The following MROH1 variants were observed in gnomAD, a reference collection of about 807,000 sequenced individuals.
MROH1 encodes maestro heat-like repeat-containing protein family member 1.
Under a neutral mutation model 116.5 loss-of-function variants are expected in MROH1, and 117 were observed. The observed-to-expected ratio is 1.00, with a 90% CI of 0.86 to 1.17. The LOEUF (loss-of-function observed/expected upper bound fraction) is 1.17. Ranked by LOEUF, MROH1 falls within the 50% of genes most tolerant of loss-of-function variation. The pLI is 0.00. For missense variants in MROH1, 1,873 were observed against 1,338.5 expected (o/e 1.40, Z -6.23); for synonymous variants, 921 against 583.9 (o/e 1.58, Z -8.32).
At chr8:144,156,473 G>A (rs981137397) in intron 1 of MROH1, among the ~76,000 whole-genome samples, 100 of 152,010 alleles carry the variant, frequency 6.6e-4, no homozygotes, top group African/African-American at 2.1e-3. Context: ...TTGGGAGGCC[G>A]AGGCCGGCGG....
intron 12 of MROH1, among the ~76,000 whole-genome samples, chr8:144,218,306 T>C (rs1017589404): frequency 6.6e-6 from 1 of 151,974 alleles, no homozygotes; most frequent in African/African-American, 2.4e-5. Flanking sequence ...TTTTCCAAAG[T>C]CCCCATGCCA....
At chr8:144,148,369 C>G (rs1330279530) in intron 1 of MROH1, among the ~76,000 whole-genome samples, 1 of 152,130 alleles carries the variant, frequency 6.6e-6, no homozygotes, top group African/African-American at 2.4e-5. Context: ...CTTCGGGGAG[C>G]TTGGTGGTCC....
rs1564508079 is a variant in MROH1, at chr8:144,220,646, G to T, written c.1188G>T (p.Arg396Ser). The stretch of plus-strand genomic sequence containing the variant: ...AGCCCTTTATCCTGTCTTCCATGAG[G>T]CTTCCTCTCCTGGACACCAACAGCA... Reference protein sequence around the residue: ...DKKPFILSSMRLPLLDTNSKV... With the variant: ...DKKPFILSSMSLPLLDTNSKV... Residue 396 changes from arginine (R) to serine (S), a missense_variant, in exon 13 of 44, where the codon AGG becomes AGT. Coordinates refer to ENST00000326134, the MANE Select transcript of MROH1 (RefSeq NM_032450.3). 1.9e-6 allele frequency: 3 copies of T among 1,578,330 alleles called. No individual in the cohort carries two copies. The highest frequency in any genetic ancestry group is 1.7e-6 in the Non-Finnish European group (2 of 1,162,294).
intron 1 of MROH1, among the ~76,000 whole-genome samples, chr8:144,149,390 G>C (rs1381618443): frequency 6.6e-6 from 1 of 152,148 alleles, no homozygotes; most frequent in Non-Finnish European, 1.5e-5. Flanking sequence ...GGCTTGTGGA[G>C]ACCTGCACCT....
At chr8:144,166,935 T>C (rs752403364) in intron 3 of MROH1, among the ~76,000 whole-genome samples, 170 of 152,334 alleles carry the variant, frequency 1.1e-3, no homozygotes, top group Non-Finnish European at 2.0e-3. Flanking sequence ...TCTCATTGAT[T>C]TGGATCAGCC....
intron 10 of MROH1, among the ~76,000 whole-genome samples, chr8:144,195,803 A>G (rs1017912883): frequency 3.3e-5 from 5 of 152,014 alleles, no homozygotes; most frequent in Non-Finnish European, 5.9e-5. Context: ...CCCAGGCTCA[A>G]GCGATCCTCC....
At chr8:144,238,686 G>A (rs1386043248) in intron 14 of MROH1, 70 bp from the exon 15 acceptor site, 6 of 747,424 alleles carry the variant, frequency 8.0e-6, no homozygotes, top group Admixed American at 1.8e-5. Flanking sequence ...CCCCGCTTCC[G>A]GGCAGGCTGT....
chr8:144,243,440 G>A lies in MROH1; in HGVS notation c.2353-54G>A, dbSNP rs1841360991. 35 of 773,650 alleles carry A rather than the reference G, an allele frequency of 4.5e-5. No individual in the cohort carries two copies. The South Asian group carries it at 4.6e-4, about 10-fold the overall frequency. The allele number at this position is 773,650 out of a possible 1,614,324, so 47.9% of individuals were successfully genotyped here. ...AGGAAAGAAAAGGGGGTATGCGCGG[G>A]TTCAGCCCTGGAGGGCGGGCGTGGG... On this transcript the variant is annotated intron_variant, in intron 24 of 43. Transcript: ENST00000326134.
chr8:144,181,243 GC>G (rs765135645), intron 7 of MROH1, among the ~76,000 whole-genome samples: 31 of 133,652 alleles, frequency 2.3e-4, no homozygotes, highest in South Asian at 5.0e-4. Context: ...GGGGCCGGGG[GC>G]CGTTAGTTCC....
At chr8:144,156,436 G>A (rs955643276) in intron 1 of MROH1, among the ~76,000 whole-genome samples, 1,699 of 151,976 alleles carry the variant, frequency 0.011, 24 homozygotes, top group African/African-American at 0.035. Flanking sequence ...GCTGGGCACG[G>A]TGGCTCACAC....
At chr8:144,176,762 G>A (rs1054292066) in intron 4 of MROH1, among the ~76,000 whole-genome samples, 1 of 151,640 alleles carries the variant, frequency 6.6e-6, no homozygotes, top group Admixed American at 6.6e-5. Flanking sequence ...TCGGAAGGCG[G>A]AGGTTGCAGT....
At chr8:144,175,185 G>T (rs908357897) in intron 4 of MROH1, 1 of 983,296 alleles carries the variant, frequency 1.0e-6, no homozygotes, top group African/African-American at 1.7e-5. Flanking sequence ...CCCAGCAGCG[G>T]ATCTGGTCGA....
intron 33 of MROH1, among the ~76,000 whole-genome samples, chr8:144,253,161 AAAG>A (rs1245691661): frequency 6.6e-6 from 1 of 152,046 alleles, no homozygotes; most frequent in Non-Finnish European, 1.5e-5. Context: ...CTCAAAAAAA[AAAG>A]AAGTGGAGTC....
At chr8:144,212,866 C>A in intron 12 of MROH1, 1 of 599,944 alleles carries the variant, frequency 1.7e-6, no homozygotes. Context: ...GTTGGGATTA[C>A]AGGCATGAGC....
intron 1 of MROH1, among the ~76,000 whole-genome samples, chr8:144,156,884 G>C (rs1818279005): frequency 6.8e-6 from 1 of 147,422 alleles, no homozygotes; most frequent in East Asian, 2.1e-4. Flanking sequence ...CTGGGTTCAA[G>C]CAATTCTCTT....
chr8:144,188,190 C>A (rs1008602113), intron 7 of MROH1, among the ~76,000 whole-genome samples: 5 of 152,306 alleles, frequency 3.3e-5, no homozygotes, highest in Admixed American at 2.6e-4. Flanking sequence ...GGAATTTGTT[C>A]ATCAGAAGAT....
intron 10 of MROH1, among the ~76,000 whole-genome samples, chr8:144,196,955 G>A (rs1239075078): frequency 1.0e-5 from 1 of 97,428 alleles, no homozygotes; most frequent in Non-Finnish European, 2.0e-5. Flanking sequence ...TTAGCCAGGC[G>A]TGGTGGCACA....
At chr8:144,243,385 G>A in intron 24 of MROH1, 109 bp from the exon 25 acceptor site, 6 of 718,870 alleles carry the variant, frequency 8.3e-6, no homozygotes. Flanking sequence ...GAGCTCCTTT[G>A]AGAGCAGAGT....
intron 14 of MROH1, among the ~76,000 whole-genome samples, chr8:144,229,612 A>C (rs954432323): frequency 6.6e-5 from 10 of 152,158 alleles, no homozygotes; most frequent in Middle Eastern, 3.4e-3. Context: ...GTTGGTCTTA[A>C]ACTCCTGAGC....
Sources: allele counts gnomAD v4.1 joint callset (sites outside exome capture counted in the v4.1 genomes callset), GRCh38; gene constraint gnomAD v4.1.1; transcripts MANE v1.5; gene names NCBI Gene and HGNC (gene_info 2026-07-23, HGNC 2026-07-21).